Variants in ADGRB3 observed in about 807,000 individuals in gnomAD.
ADGRB3 encodes the protein adhesion G protein-coupled receptor B3.
A neutral mutation model predicts 193.4 loss-of-function variants in ADGRB3; 37 were observed. The observed-to-expected ratio is 0.19, with a 90% CI of 0.15 to 0.25. The LOEUF (loss-of-function observed/expected upper bound fraction) is 0.25. Ranked by LOEUF, ADGRB3 falls within the 10% of genes least tolerant of loss-of-function variation. The probability of loss-of-function intolerance (pLI) is 1.00; values close to 1 mark genes in which losing one functional copy is unlikely to be tolerated. For synonymous variants in ADGRB3, 690 were observed against 644.2 expected (o/e 1.07, Z -1.08); for missense variants, 1,637 against 1,852.9 (o/e 0.88, Z 2.14).
chr6:69,140,873 A>G (rs190390017), intron 17 of ADGRB3, among the ~76,000 whole-genome samples: 1 of 152,124 alleles, frequency 6.6e-6, no homozygotes, highest in Non-Finnish European at 1.5e-5. Context: ...TCACTTATTC[A>G]TTCATTTACT....
At chr6:68,679,070 G>C (rs1764829622) in intron 3 of ADGRB3, among the ~76,000 whole-genome samples, 1 of 151,836 alleles carries the variant, frequency 6.6e-6, no homozygotes. Flanking sequence ...TTCTCTTTCA[G>C]ATATCTATCC....
intron 10 of ADGRB3, among the ~76,000 whole-genome samples, chr6:68,987,663 A>G (rs1371690595): frequency 6.6e-6 from 1 of 152,048 alleles, no homozygotes; most frequent in East Asian, 1.9e-4. Context: ...TCAAATCTCC[A>G]TAGTCACTAC....
At chr6:68,661,303 ATATG>A (rs57662286) in intron 3 of ADGRB3, among the ~76,000 whole-genome samples, 4,372 of 136,908 alleles carry the variant, frequency 0.032, 298 homozygotes, top group African/African-American at 0.12. Context: ...ATATATATAT[ATATG>A]TGTGTGTGTG....
intron 3 of ADGRB3, among the ~76,000 whole-genome samples, chr6:68,773,226 A>C (rs1392378592): frequency 6.6e-6 from 1 of 152,070 alleles, no homozygotes; most frequent in Non-Finnish European, 1.5e-5. Context: ...GGGTTTAAAG[A>C]AACTAGGCAA....
intron 4 of ADGRB3, among the ~76,000 whole-genome samples, chr6:68,932,577 T>G (rs1179122162): frequency 6.6e-6 from 1 of 152,022 alleles, no homozygotes. Context: ...GAGAAGAATA[T>G]TTTTCCTTAA....
chr6:69,092,092 G>A (rs1772726495), intron 17 of ADGRB3, among the ~76,000 whole-genome samples: 1 of 152,104 alleles, frequency 6.6e-6, no homozygotes, highest in Admixed American at 6.6e-5. Context: ...TTCAGTCTTG[G>A]CCTCCAGAGA....
chr6:68,812,809 T>G (rs535510563), intron 3 of ADGRB3, among the ~76,000 whole-genome samples: 4 of 152,156 alleles, frequency 2.6e-5, no homozygotes, highest in East Asian at 1.9e-4. Flanking sequence ...TTTCTCCTAA[T>G]GCTATCCCTC....
chr6:69,342,096 T>C (rs1461302400), intron 26 of ADGRB3, among the ~76,000 whole-genome samples: 1 of 152,164 alleles, frequency 6.6e-6, no homozygotes, highest in Non-Finnish European at 1.5e-5. Context: ...TCGTACTTGC[T>C]AATTGGACTA....
intron 3 of ADGRB3, among the ~76,000 whole-genome samples, chr6:68,707,072 C>A (rs540225712): frequency 7.2e-6 from 1 of 139,082 alleles, no homozygotes; most frequent in African/African-American, 2.8e-5. Context: ...GATTGCACCA[C>A]GGCACTCCAG....
chr6:69,023,296 A>G (rs1770325354), intron 13 of ADGRB3, among the ~76,000 whole-genome samples: 1 of 152,170 alleles, frequency 6.6e-6, no homozygotes, highest in African/African-American at 2.4e-5. Context: ...ATACACTTTG[A>G]TATGTGTCAC....
chr6:68,870,454 T>C (rs1279603282), intron 3 of ADGRB3, among the ~76,000 whole-genome samples: 2 of 152,244 alleles, frequency 1.3e-5, no homozygotes, highest in African/African-American at 4.8e-5. Context: ...AGTTGTTTTT[T>C]CATCAAGTTT....
At chr6:69,258,888 C>T (rs535995086) in intron 20 of ADGRB3, among the ~76,000 whole-genome samples, 4 of 152,250 alleles carry the variant, frequency 2.6e-5, no homozygotes, top group Non-Finnish European at 4.4e-5. Context: ...ATAGACATCT[C>T]GTTAGTTAAG....
chr6:68,757,563 T>G (rs1217779580), intron 3 of ADGRB3, among the ~76,000 whole-genome samples: 1 of 152,146 alleles, frequency 6.6e-6, no homozygotes, highest in East Asian at 1.9e-4. Context: ...GTGCTTTTAA[T>G]GACACAGTTT....
chr6:69,298,432 A>T (rs1767876370), intron 20 of ADGRB3, among the ~76,000 whole-genome samples: 1 of 152,058 alleles, frequency 6.6e-6, no homozygotes, highest in Non-Finnish European at 1.5e-5. Flanking sequence ...AATATACAAT[A>T]AATTATTGTT....
intron 4 of ADGRB3, among the ~76,000 whole-genome samples, chr6:68,935,396 C>T (rs544588125): frequency 2.6e-5 from 4 of 152,252 alleles, no homozygotes; most frequent in East Asian, 1.9e-4. Flanking sequence ...CTCTAGAAAA[C>T]GATGGACAAA....
chr6:68,737,642 G>A (rs1297025582), intron 3 of ADGRB3, among the ~76,000 whole-genome samples: 1 of 152,046 alleles, frequency 6.6e-6, no homozygotes, highest in Non-Finnish European at 1.5e-5. Flanking sequence ...GAGAACTGTG[G>A]GCCCTGGAAT....
chr6:68,832,745 G>A (rs1767978811), intron 3 of ADGRB3, among the ~76,000 whole-genome samples: 3 of 152,094 alleles, frequency 2.0e-5, no homozygotes, highest in Non-Finnish European at 4.4e-5. Flanking sequence ...CATATTTGCA[G>A]CTGTGCAATA....
chr6:69,014,004 T>C (rs1173417334), intron 11 of ADGRB3, 34 bp from the exon 12 acceptor site: 18 of 1,390,454 alleles, frequency 1.3e-5, no homozygotes, highest in African/African-American at 2.9e-5. Flanking sequence ...TTCTCTCATG[T>C]AATATTAAAT....
intron 6 of ADGRB3, among the ~76,000 whole-genome samples, chr6:68,955,063 G>A (rs1192957894): frequency 6.6e-6 from 1 of 152,008 alleles, no homozygotes; most frequent in African/African-American, 2.4e-5. Flanking sequence ...TAAAACTTCT[G>A]CAATCTCTCC....
Sources: allele counts gnomAD v4.1 joint callset (sites outside exome capture counted in the v4.1 genomes callset), GRCh38; gene constraint gnomAD v4.1.1; transcripts MANE v1.5; gene names NCBI Gene and HGNC (gene_info 2026-07-23, HGNC 2026-07-21).